The following CCDC163 variants were observed in gnomAD, a reference collection of about 807,000 sequenced individuals.
CCDC163 encodes the protein CCDC163 homolog.
In CCDC163, 13 loss-of-function variants were observed where a neutral mutation model predicts 8.2. The ratio of observed to expected loss-of-function variants is 1.59; its 90% CI spans 1.04 to 2.54. CCDC163 has a LOEUF of 2.54. Ranked by LOEUF, CCDC163 falls within the 30% of genes most tolerant of loss-of-function variation. The pLI is 0.00. For synonymous variants in CCDC163, 41 were observed against 30.9 expected (o/e 1.33, Z -1.08); for missense variants, 117 against 78.6 (o/e 1.49, Z -1.85).
At chr1:45,497,145 C>T (rs1236355768) in intron 3 of CCDC163, among the ~76,000 whole-genome samples, 154 bp downstream of exon 3, 1 of 152,072 alleles carries the variant, frequency 6.6e-6, no homozygotes, top group Non-Finnish European at 1.5e-5. Flanking sequence ...TGCAACACAG[C>T]CTTGGCAACA....
Position 45,494,945 on chromosome 1 carries a change from G to GATA in CCDC163, c.*111_*113dup, listed in dbSNP as rs1424720127. 1.4e-6 allele frequency: 1 copy of GATA among 719,342 alleles called. No homozygotes were observed. The highest frequency in any genetic ancestry group is 1.7e-5 in the African/African-American group (1 of 57,424). The allele number at this position is 719,342 out of a possible 1,614,324, so 44.6% of individuals were successfully genotyped here. On this transcript the variant is annotated 3_prime_UTR_variant, in exon 5 of 5. Transcript: ENST00000629482. Reference sequence around the variant, plus strand: ...GTGAAAAGCCTCAGTAGATAAGACAGATAATAGCTACTTCAAGAAGGTAGG... The same window carrying GATA: ...GTGAAAAGCCTCAGTAGATAAGACAGATAATAATAGCTACTTCAAGAAGGTAGG...
At chr1:45,495,619 C>T (rs1208336371) in intron 4 of CCDC163, 6 of 683,048 alleles carry the variant, frequency 8.8e-6, no homozygotes, top group Non-Finnish European at 1.6e-5. Flanking sequence ...ACAGAACTGT[C>T]CTCCTTCCTC....
In CCDC163 at chr1:45,495,182, AG is replaced by A. The variant is rs781065833; in HGVS notation, c.331-17del. 5.1e-6 allele frequency: 4 copies of A among 780,834 alleles called. No homozygotes were observed. The South Asian group carries it at 5.4e-5, about 10-fold the overall frequency. 48.4% of individuals were successfully genotyped at this position (780,834 alleles called of 1,614,324 possible). A position where few individuals can be genotyped will look rare whatever the true frequency, so the allele number is the denominator to read the frequency against. ...CTCTGGGGATCTAAGAGGAAAGAAAAGGGAAGAGAAAACAAGTCATCAGCAA... is the reference window on the plus strand; with the variant it reads ...CTCTGGGGATCTAAGAGGAAAGAAAAGGAAGAGAAAACAAGTCATCAGCAA... On this transcript the variant is annotated splice_polypyrimidine_tract_variant and intron_variant, in intron 4 of 4. Coordinates refer to ENST00000629482, the MANE Select transcript of CCDC163 (RefSeq NM_001102601.3).
Position 45,494,632 on chromosome 1 carries a change from T to C in CCDC163, c.*427A>G, listed in dbSNP as rs1653924127. The C allele has an allele frequency of 4.6e-6, 1 of 216,400 alleles. No homozygotes were observed. Among genetic ancestry groups the C allele is most frequent in the African/African-American group, 2.3e-5 (1 of 44,416 alleles). 13.4% of individuals were successfully genotyped at this position (216,400 alleles called of 1,614,324 possible). A position where few individuals can be genotyped will look rare whatever the true frequency, so the allele number is the denominator to read the frequency against. ...TCACCAGAATGGGAACTCCCATTACTTTCCAAGTTCAACTGAGCTTGCACT... is the reference window on the plus strand; with the variant it reads ...TCACCAGAATGGGAACTCCCATTACCTTCCAAGTTCAACTGAGCTTGCACT... On this transcript the variant is annotated 3_prime_UTR_variant, in exon 5 of 5. Transcript: ENST00000629482.
intron 4 of CCDC163, among the ~76,000 whole-genome samples, chr1:45,495,960 T>A (rs1449340729): frequency 6.6e-6 from 1 of 152,044 alleles, no homozygotes; most frequent in Middle Eastern, 3.4e-3. Context: ...GCCCTGCCAA[T>A]CTCTCCTCCC....
intron 2 of CCDC163, among the ~76,000 whole-genome samples, chr1:45,497,734 G>T (rs1187646254): frequency 3.9e-5 from 1 of 25,964 alleles, no homozygotes; most frequent in Non-Finnish European, 7.6e-5. Context: ...CGCCAGGCCA[G>T]CCGCCCCGTC....
intron 4 of CCDC163, 96 bp downstream of exon 4, chr1:45,496,460 G>A: frequency 1.4e-6 from 1 of 718,282 alleles, no homozygotes; most frequent in Non-Finnish European, 2.6e-6. Context: ...AGGGGCAGGA[G>A]AGGGTATCCT....
chr1:45,497,705 G>A (rs1372610050), intron 2 of CCDC163, among the ~76,000 whole-genome samples: 20 of 27,514 alleles, frequency 7.3e-4, no homozygotes, highest in African/African-American at 8.5e-4. Context: ...CGGGAGGGAG[G>A]TGGAGGGGGT....
Position 45,499,370 on chromosome 1 carries a change from C to A in CCDC163, c.152G>T (p.Cys51Phe), listed in dbSNP as rs1218117109. The A allele has an allele frequency of 1.3e-6, 1 of 771,746 alleles. No homozygotes were observed. The highest frequency in any genetic ancestry group is 2.4e-6 in the Non-Finnish European group (1 of 414,440). 47.8% of individuals were successfully genotyped at this position (771,746 alleles called of 1,614,324 possible). A position where few individuals can be genotyped will look rare whatever the true frequency, so the allele number is the denominator to read the frequency against. ...LCICFFCSSG[C>F]IFLGSPPQNS... is the part of the protein sequence containing the mutation. The stretch of plus-strand genomic sequence containing the variant: ...CTGCGGTGGAGACCCCAAGAAGATA[C>A]AGCCACTGCTACAGAAGAAACAGAT... The change falls in exon 2 of 5, where the codon TGT becomes TTT. Residue 51 changes from cysteine (C) to phenylalanine (F), a missense_variant. Transcript: ENST00000629482.
chr1:45,496,040 A>G, intron 4 of CCDC163, among the ~76,000 whole-genome samples: 1 of 152,234 alleles, frequency 6.6e-6, no homozygotes, highest in Non-Finnish European at 1.5e-5. Context: ...TTTATGGGAT[A>G]CAACCCAGAT....
Position 45,499,977 on chromosome 1 carries a change from GT to G in CCDC163, c.-369del. 1 of 491,324 alleles carries G rather than the reference GT, an allele frequency of 2.0e-6. No individual in the cohort carries two copies. The highest frequency in any genetic ancestry group is 2.1e-5 in the South Asian group (1 of 47,570). The allele number at this position is 491,324 out of a possible 1,614,324, so 30.4% of individuals were successfully genotyped here. ...CCGCCGGGTTCAAAACTTCGGGTTG[GT>G]TTTGAAAGTCCGACTTTGGACTGGC... On this transcript the variant is annotated 5_prime_UTR_variant, in exon 1 of 5. Coordinates refer to ENST00000629482, the MANE Select transcript of CCDC163 (RefSeq NM_001102601.3).
chr1:45,495,745 C>G (rs1467061027), intron 4 of CCDC163, among the ~76,000 whole-genome samples: 2 of 149,622 alleles, frequency 1.3e-5, no homozygotes, highest in Non-Finnish European at 3.0e-5. Context: ...CAGTTTACTG[C>G]AACCTCCACC....
At position 45,497,326 on chromosome 1, in the gene CCDC163, C is replaced by T. The variant is rs560380106; in HGVS notation, c.235G>A (p.Glu79Lys). 7 of 780,270 alleles carry T rather than the reference C, an allele frequency of 9.0e-6. No individual in the cohort carries two copies. Among genetic ancestry groups the T allele is most frequent in the Non-Finnish European group, 1.7e-5 (7 of 417,578 alleles). 48.3% of individuals were successfully genotyped at this position (780,270 alleles called of 1,614,324 possible). A position where few individuals can be genotyped will look rare whatever the true frequency, so the allele number is the denominator to read the frequency against. Residue 79 changes from glutamate to lysine, a missense_variant, in exon 3 of 5, where the codon GAA (glutamate) becomes AAA (lysine). By Grantham distance (56) the Glu-to-Lys change is moderately conservative. Coordinates refer to ENST00000629482, the MANE Select transcript of CCDC163 (RefSeq NM_001102601.3). ...AACTGGTACTGCAGCAACTTCAATT[C>T]CTTCTGCATAATCTCTGACTCCTCC... ...LWEESEIMQK[E>K]LKLLQYQLSQ... is the part of the protein sequence containing the mutation.
chr1:45,497,394 T>C lies in CCDC163; in HGVS notation c.178-11A>G, dbSNP rs911784547. 1.3e-5 allele frequency: 10 copies of C among 777,494 alleles called. No homozygotes were observed. Among genetic ancestry groups the C allele is most frequent in the Non-Finnish European group, 2.4e-5 (10 of 416,432 alleles). 48.2% of individuals were successfully genotyped at this position (777,494 alleles called of 1,614,324 possible). A position where few individuals can be genotyped will look rare whatever the true frequency, so the allele number is the denominator to read the frequency against. On this transcript the variant is annotated splice_polypyrimidine_tract_variant and intron_variant, in intron 2 of 4. Coordinates refer to ENST00000629482, the MANE Select transcript of CCDC163 (RefSeq NM_001102601.3). ...GACAGCAGTGCTATTCTAAAGTCAA[T>C]CAACAAATCCAGAGTAAGAAGGCAA...
intron 2 of CCDC163, among the ~76,000 whole-genome samples, chr1:45,497,720 CCCCCGCCAGGCCAGCCGCCCCGTCT>C (rs1643371994): frequency 2.7e-5 from 1 of 36,870 alleles, no homozygotes. Flanking sequence ...GGGGGTCAGC[CCCCCGCCAGGCCAGCCGCCCCGTCT>C]GGGAGGGAGG....
intron 4 of CCDC163, 25 bp downstream of exon 4, chr1:45,496,529 CAG>C: frequency 1.3e-6 from 1 of 778,738 alleles, no homozygotes; most frequent in South Asian, 1.4e-5. Context: ...GAGAAATATG[CAG>C]AGACAAGTCT....
chr1:45,497,638 CCGG>C (rs1654295677), intron 2 of CCDC163, among the ~76,000 whole-genome samples: 1 of 111,912 alleles, frequency 8.9e-6, no homozygotes, highest in Non-Finnish European at 1.8e-5. Flanking sequence ...CAGCCTCTGC[CCGG>C]CCGCCACCCC....
intron 2 of CCDC163, among the ~76,000 whole-genome samples, chr1:45,497,807 G>A (rs1393483081): frequency 6.9e-6 from 1 of 144,930 alleles, no homozygotes; most frequent in African/African-American, 2.6e-5. Flanking sequence ...GAGGTGAGGG[G>A]TGCCTCTGCC....
chr1:45,494,897 TG>T lies in CCDC163; in HGVS notation c.*161del. ...AGGCGGAGGTTGCAGTGAGCTGAGATGGGGGGCAAGGATGGGCAGGCAGTGA... is the reference window on the plus strand; with the variant it reads ...AGGCGGAGGTTGCAGTGAGCTGAGATGGGGGCAAGGATGGGCAGGCAGTGA... On this transcript the variant is annotated 3_prime_UTR_variant, in exon 5 of 5. Transcript: ENST00000629482. 4.9e-6 allele frequency: 3 copies of T among 610,110 alleles called. No homozygotes were observed. The highest frequency in any genetic ancestry group is 2.7e-5 in the Admixed American group (1 of 36,794). 37.8% of individuals were successfully genotyped at this position (610,110 alleles called of 1,614,324 possible).
Sources: gnomAD v4.1 joint callset for allele counts (sites outside exome capture counted in the v4.1 genomes callset) on GRCh38, gnomAD v4.1.1 for gene constraint, MANE v1.5 for transcripts, NCBI Gene and HGNC (gene_info 2026-07-23, HGNC 2026-07-21) for gene names.